AP2B1: variants seen among roughly 807,000 people sequenced by gnomAD.
AP2B1 encodes AP-2 complex subunit beta.
A neutral mutation model predicts 102.0 loss-of-function variants in AP2B1; 23 were observed. The observed-to-expected ratio is 0.23, with a 90% CI of 0.16 to 0.32. AP2B1 has a LOEUF of 0.32. Among genes scored for constraint, AP2B1 ranks in the 10% least tolerant of loss-of-function variants. The pLI is 1.00. For missense variants in AP2B1, 541 were observed against 1,157.4 expected, an observed-to-expected ratio of 0.47 and a Z score of 7.73; for synonymous variants, 381 against 421.2, an observed-to-expected ratio of 0.90 and a Z score of 1.17.
At chr17:35,621,441 A>G (rs991635707) in intron 5 of AP2B1, 9 of 727,542 alleles carry the variant, frequency 1.2e-5, no homozygotes, top group Admixed American at 6.3e-5. Context: ...TAGAGATAGG[A>G]TGGAAGGAAC....
At chr17:35,663,589 G>A (rs2075401810) in intron 14 of AP2B1, among the ~76,000 whole-genome samples, 1 of 152,160 alleles carries the variant, frequency 6.6e-6, no homozygotes, top group East Asian at 1.9e-4. Flanking sequence ...GCAGTCTCTG[G>A]AGTACACAGC....
chr17:35,670,313 T>C (rs549299189), intron 14 of AP2B1, among the ~76,000 whole-genome samples: 1 of 152,348 alleles, frequency 6.6e-6, no homozygotes, highest in African/African-American at 2.4e-5. Context: ...GTTCCACCTA[T>C]AATTTTTGCA....
At chr17:35,663,887 G>A (rs1469237841) in intron 14 of AP2B1, among the ~76,000 whole-genome samples, 1 of 152,198 alleles carries the variant, frequency 6.6e-6, no homozygotes, top group Admixed American at 6.5e-5. Flanking sequence ...ACTGAATAAT[G>A]AGTAAGTTCA....
At position 35,598,216 on chromosome 17, in the gene AP2B1, C is replaced by T. The variant is rs1481635230; in HGVS notation, c.38-14C>T. 6.3e-7 allele frequency: 1 copy of T among 1,585,716 alleles called. No individual in the cohort carries two copies. Among genetic ancestry groups the T allele is most frequent in the African/African-American group, 1.3e-5 (1 of 74,450 alleles). On this transcript the variant is annotated splice_polypyrimidine_tract_variant and intron_variant, in intron 2 of 21. Coordinates refer to ENST00000610402, the MANE Select transcript of AP2B1 (RefSeq NM_001030006.2). ...GGTACTGGAACCTTACCAGTTTGCT[C>T]TCATCTCTTGCAGGAGAAATATTTG...
chr17:35,683,904 A>G (rs1178834461), intron 18 of AP2B1, among the ~76,000 whole-genome samples: 2 of 152,210 alleles, frequency 1.3e-5, no homozygotes, highest in Non-Finnish European at 2.9e-5. Context: ...CCCAAAGATG[A>G]TAGGAAATTT....
chr17:35,705,764 C>T (rs779696881), intron 18 of AP2B1, among the ~76,000 whole-genome samples: 20 of 152,022 alleles, frequency 1.3e-4, no homozygotes, highest in South Asian at 4.1e-4. Flanking sequence ...TCAGGTAATC[C>T]GCCTGCCTCA....
chr17:35,717,102 T>C (rs1413970729), intron 20 of AP2B1, 93 bp from the exon 21 acceptor site: 1 of 1,412,542 alleles, frequency 7.1e-7, no homozygotes, highest in Non-Finnish European at 9.8e-7. Context: ...GTCAGGGAAC[T>C]GAACACACAT....
At chr17:35,638,603 A>G (rs1036718999) in intron 10 of AP2B1, among the ~76,000 whole-genome samples, 14 of 152,118 alleles carry the variant, frequency 9.2e-5, no homozygotes, top group African/African-American at 3.1e-4. Context: ...CCTGGCTAAC[A>G]TGGAGAAACC....
intron 18 of AP2B1, among the ~76,000 whole-genome samples, chr17:35,691,183 GC>G (rs1233869372): frequency 1.3e-5 from 2 of 152,060 alleles, no homozygotes; most frequent in Non-Finnish European, 2.9e-5. Flanking sequence ...GAAGACACTA[GC>G]TGCAAAGGAC....
At chr17:35,644,131 C>A (rs1567885788) in intron 12 of AP2B1, among the ~76,000 whole-genome samples, 1 of 152,152 alleles carries the variant, frequency 6.6e-6, no homozygotes. Context: ...TGAGGAAACT[C>A]AGAGAGGCCT....
intron 18 of AP2B1, among the ~76,000 whole-genome samples, chr17:35,707,130 A>C (rs1181119753): frequency 5.5e-5 from 7 of 128,146 alleles, no homozygotes; most frequent in Non-Finnish European, 6.8e-5. Flanking sequence ...GCTCTGGTAC[A>C]TCCCTTGTTG....
At chr17:35,624,762 T>G (rs1035180337) in intron 6 of AP2B1, among the ~76,000 whole-genome samples, 175 bp downstream of exon 6, 14 of 152,216 alleles carry the variant, frequency 9.2e-5, no homozygotes, top group African/African-American at 3.4e-4. Context: ...GAATAAACTA[T>G]GCAAAACTAT....
intron 20 of AP2B1, among the ~76,000 whole-genome samples, chr17:35,710,978 C>T (rs1163449781): frequency 1.3e-5 from 2 of 152,160 alleles, no homozygotes; most frequent in African/African-American, 4.8e-5. Context: ...TGATACTAAC[C>T]TCTTTAATCA....
At chr17:35,591,332 C>T (rs1268607727) in intron 1 of AP2B1, among the ~76,000 whole-genome samples, 3 of 151,916 alleles carry the variant, frequency 2.0e-5, no homozygotes, top group Admixed American at 2.0e-4. Context: ...GCTACCATGC[C>T]CGGCTAATTT....
At chr17:35,647,701 A>G (rs138363339) in intron 12 of AP2B1, among the ~76,000 whole-genome samples, 110 of 152,270 alleles carry the variant, frequency 7.2e-4, no homozygotes, top group African/African-American at 2.6e-3. Flanking sequence ...GAGAAAAACC[A>G]TTTAAATCTA....
At chr17:35,640,566 C>G (rs2074750322) in intron 11 of AP2B1, among the ~76,000 whole-genome samples, 1 of 152,134 alleles carries the variant, frequency 6.6e-6, no homozygotes, top group Non-Finnish European at 1.5e-5. Flanking sequence ...TGTTAAAAAC[C>G]TACATAACTC....
At chr17:35,659,315 G>C (rs7210966) in intron 14 of AP2B1, among the ~76,000 whole-genome samples, 130,065 of 152,214 alleles carry the variant, frequency 0.85, 55,793 homozygotes, top group East Asian at 0.97. Flanking sequence ...GAGAAACAAA[G>C]TTCAAGGGAT....
At chr17:35,694,985 A>G (rs922537379) in intron 18 of AP2B1, among the ~76,000 whole-genome samples, 3 of 152,160 alleles carry the variant, frequency 2.0e-5, no homozygotes, top group African/African-American at 7.2e-5. Flanking sequence ...CACTATTAAC[A>G]TAAACAATAT....
intron 13 of AP2B1, among the ~76,000 whole-genome samples, chr17:35,654,902 G>C (rs1199806253): frequency 6.6e-6 from 1 of 152,064 alleles, no homozygotes; most frequent in Non-Finnish European, 1.5e-5. Flanking sequence ...CACGGCCGTT[G>C]AACATATGTC....
Sources: gnomAD v4.1 joint callset for allele counts (sites outside exome capture counted in the v4.1 genomes callset) on GRCh38, gnomAD v4.1.1 for gene constraint, MANE v1.5 for transcripts, NCBI Gene and HGNC (gene_info 2026-07-23, HGNC 2026-07-21) for gene names.